Variants in KLHL3 observed in about 807,000 individuals in gnomAD.
KLHL3 encodes kelch-like protein 3.
A neutral mutation model predicts 70.5 loss-of-function variants in KLHL3; 19 were observed. The observed-to-expected ratio is 0.27, with a 90% CI of 0.19 to 0.40. The LOEUF (loss-of-function observed/expected upper bound fraction) is 0.40. Among genes scored for constraint, KLHL3 ranks in the 10% least tolerant of loss-of-function variants. The pLI is 1.00. For missense variants in KLHL3, 512 were observed against 771.1 expected, an observed-to-expected ratio of 0.66 and a Z score of 3.98; for synonymous variants, 258 against 290.3, an observed-to-expected ratio of 0.89 and a Z score of 1.13.
intron 4 of KLHL3, among the ~76,000 whole-genome samples, chr5:137,696,069 G>A (rs912542165): frequency 5.9e-5 from 9 of 152,118 alleles, no homozygotes; most frequent in Admixed American, 2.6e-4. Flanking sequence ...TGCAGGCCCC[G>A]TTTTGTTTTT....
chr5:137,656,272 A>G (rs1309519918), intron 8 of KLHL3, among the ~76,000 whole-genome samples: 2 of 152,184 alleles, frequency 1.3e-5, no homozygotes, highest in Admixed American at 1.3e-4. Context: ...TATGCACATA[A>G]TAGTGCATAA....
chr5:137,698,444 T>C (rs1752496477), intron 3 of KLHL3, 36 bp from the exon 4 acceptor site: 1 of 1,612,654 alleles, frequency 6.2e-7, no homozygotes. Flanking sequence ...GACATAAATG[T>C]GGTACCTGGG....
chr5:137,735,926 C>G lies in KLHL3; in HGVS notation c.-280G>C, dbSNP rs1372140583. 19 of 514,304 alleles carry G rather than the reference C, an allele frequency of 3.7e-5. No homozygotes were observed. In the East Asian group the frequency reaches 6.1e-4, roughly 17 times the overall value. 31.9% of individuals were successfully genotyped at this position (514,304 alleles called of 1,614,324 possible). A position where few individuals can be genotyped will look rare whatever the true frequency, so the allele number is the denominator to read the frequency against. Reference sequence around the variant, plus strand: ...CAGCAACCCACTTGCTCCCCCTCCCCCGCAGGCTTGCTGCTCCTTGGTCTC... The same window carrying G: ...CAGCAACCCACTTGCTCCCCCTCCCGCGCAGGCTTGCTGCTCCTTGGTCTC... On this transcript the variant is annotated 5_prime_UTR_variant, in exon 1 of 15. Transcript: ENST00000309755.
intron 5 of KLHL3, 106 bp from the exon 6 acceptor site, chr5:137,677,760 G>A (rs971117944): frequency 1.2e-5 from 7 of 597,082 alleles, no homozygotes; most frequent in African/African-American, 1.2e-4. Flanking sequence ...GAGCAGGCCA[G>A]GGGGACCATG....
At chr5:137,717,462 G>A (rs985931180) in intron 2 of KLHL3, among the ~76,000 whole-genome samples, 5 of 151,816 alleles carry the variant, frequency 3.3e-5, no homozygotes, top group Admixed American at 1.3e-4. Flanking sequence ...CCCGGGAGGT[G>A]GAGGTTGCAA....
chr5:137,665,457 C>T (rs1172035199), intron 6 of KLHL3, among the ~76,000 whole-genome samples: 1 of 152,114 alleles, frequency 6.6e-6, no homozygotes, highest in Non-Finnish European at 1.5e-5. Context: ...ATAATGTCTG[C>T]AATTTACTGT....
chr5:137,708,204 G>A (rs1307885885), intron 3 of KLHL3, among the ~76,000 whole-genome samples: 1 of 152,144 alleles, frequency 6.6e-6, no homozygotes, highest in Admixed American at 6.5e-5. Context: ...CTTAGCAGAG[G>A]CACCACTCCA....
intron 6 of KLHL3, among the ~76,000 whole-genome samples, chr5:137,663,056 C>CTTTTTTTTTTTTTTTTTTTTTTTTT (rs139890036): frequency 5.1e-5 from 4 of 77,930 alleles, no homozygotes; most frequent in African/African-American, 1.1e-4. Flanking sequence ...AGCACTCGTT[C>CTTTTTTTTTTTTTTTTTTTTTTTTT]TTTTTTTTTT....
chr5:137,658,424 CT>C, intron 7 of KLHL3, 144 bp from the exon 8 acceptor site: 3 of 775,858 alleles, frequency 3.9e-6, no homozygotes, highest in South Asian at 1.5e-5. Flanking sequence ...TTACAACTTA[CT>C]GCTCACCTCC....
At chr5:137,679,470 A>G (rs1383483182) in intron 5 of KLHL3, among the ~76,000 whole-genome samples, 1 of 152,172 alleles carries the variant, frequency 6.6e-6, no homozygotes, top group East Asian at 1.9e-4. Context: ...GCTGACCAAA[A>G]AGCTGACAGC....
In KLHL3 at chr5:137,714,850, A is replaced by G. The variant is rs753504032; in HGVS notation, c.135-4994T>C. On this transcript the variant is annotated intron_variant, in intron 2 of 14. Coordinates refer to ENST00000309755, the MANE Select transcript of KLHL3 (RefSeq NM_017415.3). ...AGAAAGCAATATGCTAAGATGGTTCATAACAATAATAAAAGCATAGTGACA... is the reference window on the plus strand; with the variant it reads ...AGAAAGCAATATGCTAAGATGGTTCGTAACAATAATAAAAGCATAGTGACA... Among the ~76,000 whole-genome samples the G allele has an allele frequency of 2.0e-5, 3 of 152,266 alleles. 1 individual carries two copies. Among genetic ancestry groups the G allele is most frequent in the South Asian group, 4.1e-4 (2 of 4,834 alleles).
intron 2 of KLHL3, 95 bp downstream of exon 2, chr5:137,720,370 C>A: frequency 7.0e-7 from 1 of 1,426,532 alleles, no homozygotes; most frequent in Non-Finnish European, 9.8e-7. Flanking sequence ...GTCAGAATTC[C>A]CTAGGTGGTC....
At chr5:137,675,310 T>C (rs1751858494) in intron 6 of KLHL3, among the ~76,000 whole-genome samples, 1 of 152,202 alleles carries the variant, frequency 6.6e-6, no homozygotes, top group Non-Finnish European at 1.5e-5. Context: ...AAAAAAGTCA[T>C]GTTTGTTTCT....
intron 3 of KLHL3, among the ~76,000 whole-genome samples, chr5:137,699,902 A>C (rs1281010436): frequency 6.6e-6 from 1 of 152,236 alleles, no homozygotes; most frequent in Non-Finnish European, 1.5e-5. Flanking sequence ...AGCTGCACGG[A>C]CTGCACATGA....
chr5:137,697,169 T>A (rs1292827375), intron 4 of KLHL3, among the ~76,000 whole-genome samples: 1 of 152,106 alleles, frequency 6.6e-6, no homozygotes, highest in East Asian at 1.9e-4. Flanking sequence ...ATCTTTTTTT[T>A]TTTTTCTTTT....
At chr5:137,674,388 T>C (rs1751834882) in intron 6 of KLHL3, among the ~76,000 whole-genome samples, 1 of 152,158 alleles carries the variant, frequency 6.6e-6, no homozygotes, top group South Asian at 2.1e-4. Flanking sequence ...CTTGTTTAAG[T>C]AGGGAAGTCA....
chr5:137,675,188 A>C (rs1206507273), intron 6 of KLHL3, among the ~76,000 whole-genome samples: 1 of 152,154 alleles, frequency 6.6e-6, no homozygotes, highest in Admixed American at 6.5e-5. Flanking sequence ...AAATACCTAT[A>C]CTCCAAACTC....
At chr5:137,630,569 G>C (rs1750609399) in intron 12 of KLHL3, among the ~76,000 whole-genome samples, 1 of 152,220 alleles carries the variant, frequency 6.6e-6, no homozygotes, top group Non-Finnish European at 1.5e-5. Flanking sequence ...CGTCACAACA[G>C]AGGATTTCTA....
intron 11 of KLHL3, among the ~76,000 whole-genome samples, chr5:137,635,607 A>G (rs1750747506): frequency 6.6e-6 from 1 of 152,170 alleles, no homozygotes; most frequent in Admixed American, 6.5e-5. Context: ...AGGAAGCCAG[A>G]CAGTGTGGAG....
Sources: allele counts gnomAD v4.1 joint callset (sites outside exome capture counted in the v4.1 genomes callset), GRCh38; gene constraint gnomAD v4.1.1; transcripts MANE v1.5; gene names NCBI Gene and HGNC (gene_info 2026-07-23, HGNC 2026-07-21).